Variants in EPHA6 observed in about 807,000 individuals in gnomAD.
EPHA6 encodes EPH receptor A6, also known as ephrin type-A receptor 6.
A neutral mutation model predicts 112.0 loss-of-function variants in EPHA6; 50 were observed. The observed-to-expected ratio is 0.45, with a 90% CI of 0.36 to 0.56. The LOEUF is 0.56. Among genes scored for constraint, EPHA6 ranks in the 20% least tolerant of loss-of-function variants. EPHA6 has a pLI of 0.00. For missense variants in EPHA6, 1,280 were observed against 1,417.4 expected (o/e 0.90, Z 1.56); for synonymous variants, 529 against 490.7 (o/e 1.08, Z -1.03).
chr3:96,925,300 T>C (rs2039975686), intron 2 of EPHA6, among the ~76,000 whole-genome samples: 1 of 152,170 alleles, frequency 6.6e-6, no homozygotes, highest in African/African-American at 2.4e-5. Flanking sequence ...TGGTAGGCCA[T>C]TTATTACTCT....
At chr3:97,738,708 A>C (rs976164181) in intron 16 of EPHA6, among the ~76,000 whole-genome samples, 2 of 152,082 alleles carry the variant, frequency 1.3e-5, no homozygotes, top group African/African-American at 4.8e-5. Flanking sequence ...ACGCAGGCCA[A>C]AAGTTGGGTG....
intron 6 of EPHA6, among the ~76,000 whole-genome samples, chr3:97,445,040 A>G (rs967869214): frequency 2.4e-4 from 37 of 152,132 alleles, no homozygotes; most frequent in Admixed American, 1.7e-3. Context: ...CCTGTTTGAC[A>G]GTGCTCTACG....
At chr3:97,615,297 G>T (rs2093756209) in intron 13 of EPHA6, among the ~76,000 whole-genome samples, 1 of 152,152 alleles carries the variant, frequency 6.6e-6, no homozygotes, top group African/African-American at 2.4e-5. Flanking sequence ...CTGACACACA[G>T]AACTGTGTGA....
intron 3 of EPHA6, among the ~76,000 whole-genome samples, chr3:97,119,511 CA>C (rs965173128): frequency 1.3e-5 from 2 of 151,776 alleles, no homozygotes; most frequent in Non-Finnish European, 2.9e-5. Context: ...AATGCAGTCT[CA>C]AAAATCAAAG....
chr3:96,819,184 A>G (rs1171160750), intron 1 of EPHA6, among the ~76,000 whole-genome samples: 2 of 152,040 alleles, frequency 1.3e-5, no homozygotes, highest in Non-Finnish European at 2.9e-5. Flanking sequence ...ATTCATGACT[A>G]TAGCACTTTT....
At chr3:97,385,238 G>A (rs974298828) in intron 5 of EPHA6, among the ~76,000 whole-genome samples, 1 of 152,184 alleles carries the variant, frequency 6.6e-6, no homozygotes, top group Admixed American at 6.5e-5. Flanking sequence ...TTATATTCAA[G>A]GGTCTTATTT....
chr3:97,728,890 G>A (rs528777668), intron 15 of EPHA6, among the ~76,000 whole-genome samples: 6 of 152,216 alleles, frequency 3.9e-5, no homozygotes, highest in Admixed American at 2.0e-4. Flanking sequence ...TTTAACATAT[G>A]AGAGTCCTAC....
chr3:97,562,234 G>A (rs1254435628), intron 11 of EPHA6, among the ~76,000 whole-genome samples: 1 of 152,154 alleles, frequency 6.6e-6, no homozygotes, highest in Non-Finnish European at 1.5e-5. Flanking sequence ...GCTGCCTTAG[G>A]TAGTAATTTC....
At chr3:96,908,126 A>T (rs1369257989) in intron 2 of EPHA6, among the ~76,000 whole-genome samples, 1 of 151,986 alleles carries the variant, frequency 6.6e-6, no homozygotes, top group Admixed American at 6.6e-5. Flanking sequence ...TAAACATAGA[A>T]AGGGTACACT....
intron 11 of EPHA6, among the ~76,000 whole-genome samples, chr3:97,553,529 G>C (rs890919426): frequency 6.6e-6 from 1 of 152,068 alleles, no homozygotes; most frequent in Non-Finnish European, 1.5e-5. Flanking sequence ...CATCTTACAT[G>C]GCTGCAGGAG....
At chr3:96,851,194 T>A (rs952971785) in intron 1 of EPHA6, among the ~76,000 whole-genome samples, 7 of 152,118 alleles carry the variant, frequency 4.6e-5, no homozygotes, top group Non-Finnish European at 1.0e-4. Context: ...TTTCCTAATC[T>A]TTCCAGGGTT....
chr3:97,043,320 C>T (rs2045385550), intron 3 of EPHA6, among the ~76,000 whole-genome samples: 1 of 152,060 alleles, frequency 6.6e-6, no homozygotes, highest in African/African-American at 2.4e-5. Context: ...TGTATATATC[C>T]AAACCTGAGC....
chr3:97,663,037 G>T (rs774065555), intron 14 of EPHA6, among the ~76,000 whole-genome samples: 11 of 152,164 alleles, frequency 7.2e-5, no homozygotes, highest in Non-Finnish European at 1.5e-4. Flanking sequence ...AGGATATGAG[G>T]TACAAAGGCT....
At chr3:97,402,973 C>T (rs1055999135) in intron 5 of EPHA6, among the ~76,000 whole-genome samples, 2 of 151,982 alleles carry the variant, frequency 1.3e-5, no homozygotes, top group Non-Finnish European at 2.9e-5. Context: ...AAATCTAATT[C>T]TCACCTGTGA....
chr3:97,081,482 T>G (rs2108199637), intron 3 of EPHA6, among the ~76,000 whole-genome samples: 1 of 151,994 alleles, frequency 6.6e-6, no homozygotes, highest in East Asian at 1.9e-4. Context: ...GATAGCTGTT[T>G]ATCTCTATTA....
At chr3:97,579,536 G>T (rs1357346442) in intron 11 of EPHA6, among the ~76,000 whole-genome samples, 4 of 152,076 alleles carry the variant, frequency 2.6e-5, no homozygotes, top group Non-Finnish European at 2.9e-5. Flanking sequence ...TCCTTCCAGG[G>T]TGTACTTTCC....
intron 11 of EPHA6, chr3:97,569,818 G>A (rs539848683): frequency 3.3e-5 from 5 of 152,138 alleles, no homozygotes; most frequent in Non-Finnish European, 7.4e-5. Flanking sequence ...ACATAAAAAT[G>A]CATCTGTTTG....
chr3:97,310,398 G>A (rs9849207), intron 5 of EPHA6, among the ~76,000 whole-genome samples: 2,425 of 151,506 alleles, frequency 0.016, 80 homozygotes, highest in African/African-American at 0.056. Flanking sequence ...AGACTGAGAT[G>A]AAAATGAATT....
At chr3:97,554,986 T>G (rs2107116116) in intron 11 of EPHA6, among the ~76,000 whole-genome samples, 1 of 152,068 alleles carries the variant, frequency 6.6e-6, no homozygotes, top group Admixed American at 6.6e-5. Flanking sequence ...ATGTGCTGGT[T>G]GGTTACATAT....
Sources: gnomAD v4.1 joint callset for allele counts (sites outside exome capture counted in the v4.1 genomes callset) on GRCh38, gnomAD v4.1.1 for gene constraint, MANE v1.5 for transcripts, NCBI Gene and HGNC (gene_info 2026-07-23, HGNC 2026-07-21) for gene names.